CRACR2A: variants seen among roughly 807,000 people sequenced by gnomAD.
The protein encoded by CRACR2A is EF-hand calcium-binding domain-containing protein 4B.
Under a neutral mutation model 90.5 loss-of-function variants are expected in CRACR2A, and 79 were observed. The observed-to-expected ratio is 0.87, with a 90% CI of 0.73 to 1.05. CRACR2A has a LOEUF of 1.05. Ranked by LOEUF, CRACR2A falls within the 50% of genes least tolerant of loss-of-function variation. The probability of loss-of-function intolerance (pLI) is 0.00; values close to 1 mark genes in which losing one functional copy is unlikely to be tolerated. For synonymous variants in CRACR2A, 338 were observed against 356.7 expected (o/e 0.95, Z 0.59); for missense variants, 823 against 897.2 (o/e 0.92, Z 1.06).
intron 10 of CRACR2A, 24 bp from the exon 11 acceptor site, chr12:3,648,637 C>T (rs368326307): frequency 5.6e-6 from 9 of 1,601,760 alleles, no homozygotes; most frequent in Non-Finnish European, 7.7e-6. Flanking sequence ...AAACACATGG[C>T]AGTGAGCTCC....
chr12:3,628,569 G>A (rs756945382), intron 15 of CRACR2A, among the ~76,000 whole-genome samples: 1 of 152,188 alleles, frequency 6.6e-6, no homozygotes, highest in African/African-American at 2.4e-5. Context: ...TCAGTGAAGT[G>A]CATTCTGCAT....
At chr12:3,733,944 C>T (rs1384784322) in intron 1 of CRACR2A, among the ~76,000 whole-genome samples, 2 of 148,864 alleles carry the variant, frequency 1.3e-5, no homozygotes, top group Non-Finnish European at 3.0e-5. Context: ...GTATTCAGTC[C>T]TTTTCCTAGA....
chr12:3,710,707 C>T (rs1348752387), intron 3 of CRACR2A, among the ~76,000 whole-genome samples: 2 of 151,420 alleles, frequency 1.3e-5, no homozygotes, highest in African/African-American at 2.4e-5. Context: ...GCAGGAGAAT[C>T]GCTTGAACCC....
chr12:3,671,756 T>G (rs548041797), intron 7 of CRACR2A, among the ~76,000 whole-genome samples: 1 of 152,354 alleles, frequency 6.6e-6, no homozygotes, highest in Admixed American at 6.5e-5. Flanking sequence ...GATACTTATT[T>G]AAAATACTAA....
chr12:3,622,629 CAT>C (rs1491244106), intron 17 of CRACR2A, among the ~76,000 whole-genome samples: 5 of 150,510 alleles, frequency 3.3e-5, no homozygotes, highest in African/African-American at 9.8e-5. Context: ...TGCCTATGTG[CAT>C]GTGTGTGTGT....
intron 15 of CRACR2A, 108 bp from the exon 16 acceptor site, chr12:3,627,814 A>G: frequency 8.6e-7 from 1 of 1,166,794 alleles, no homozygotes. Context: ...GCCCAAGGTG[A>G]CAACCCTCCA....
Position 3,746,500 on chromosome 12 carries a change from G to A in CRACR2A, c.-387+6515C>T, listed in dbSNP as rs1379031692. Among the ~76,000 whole-genome samples, 1 of 152,144 alleles carries A rather than the reference G, an allele frequency of 6.6e-6. No homozygotes were observed. The highest frequency in any genetic ancestry group is 1.9e-4 in the East Asian group (1 of 5,184). Reference sequence around the variant, plus strand: ...AGAAAGTGGCTTTCTGCAAGCCAAGGAGAGAACCTTCACCCACCAAACTGG... The same window carrying A: ...AGAAAGTGGCTTTCTGCAAGCCAAGAAGAGAACCTTCACCCACCAAACTGG... On this transcript the variant is annotated intron_variant, in intron 1 of 19. Coordinates refer to ENST00000440314, the MANE Select transcript of CRACR2A (RefSeq NM_001144958.2). This position sits in a 1 kb window ranked among gnomAD's most constrained non-coding sequence, Gnocchi z 4.4.
chr12:3,632,979 G>C (rs1250398976), intron 15 of CRACR2A, among the ~76,000 whole-genome samples: 1 of 152,168 alleles, frequency 6.6e-6, no homozygotes, highest in African/African-American at 2.4e-5. Flanking sequence ...GGGATTAAAG[G>C]CCTCTATTTA....
intron 3 of CRACR2A, among the ~76,000 whole-genome samples, chr12:3,708,856 T>C (rs1372102763): frequency 6.6e-6 from 1 of 152,242 alleles, no homozygotes; most frequent in Non-Finnish European, 1.5e-5. Context: ...CGATATATTC[T>C]CCCAGTTCCA....
chr12:3,708,536 T>C (rs571512152), intron 3 of CRACR2A, among the ~76,000 whole-genome samples: 1 of 152,206 alleles, frequency 6.6e-6, no homozygotes, highest in Non-Finnish European at 1.5e-5. Flanking sequence ...GCCATTCTCC[T>C]GCCTCAGCCT....
chr12:3,736,525 G>C (rs1386910776), intron 1 of CRACR2A, among the ~76,000 whole-genome samples: 1 of 151,980 alleles, frequency 6.6e-6, no homozygotes, highest in African/African-American at 2.4e-5. Context: ...GTGGGGACAG[G>C]GCTAGACATG....
chr12:3,630,230 C>T (rs1944355322), intron 15 of CRACR2A, among the ~76,000 whole-genome samples: 1 of 152,126 alleles, frequency 6.6e-6, no homozygotes, highest in Non-Finnish European at 1.5e-5. Context: ...GAATTGCTTC[C>T]CGAAGGATGG....
At chr12:3,618,443 AC>A (rs749056766) in intron 18 of CRACR2A, among the ~76,000 whole-genome samples, 17 of 152,032 alleles carry the variant, frequency 1.1e-4, no homozygotes, top group Non-Finnish European at 2.5e-4. Flanking sequence ...ATACAAAACA[AC>A]CCTTTCTGTT....
intron 13 of CRACR2A, 151 bp downstream of exon 13, chr12:3,641,581 G>A: frequency 3.1e-6 from 2 of 639,528 alleles, no homozygotes; most frequent in Non-Finnish European, 2.7e-6. Context: ...GAACAGGGAG[G>A]GGCATGTGTT....
At chr12:3,634,334 G>A (rs971317150) in intron 14 of CRACR2A, among the ~76,000 whole-genome samples, 4 of 152,182 alleles carry the variant, frequency 2.6e-5, no homozygotes, top group Non-Finnish European at 5.9e-5. Flanking sequence ...TCCCATCGAG[G>A]CACTGCCATC....
intron 3 of CRACR2A, among the ~76,000 whole-genome samples, chr12:3,699,102 T>G (rs1477532265): frequency 1.3e-5 from 2 of 152,162 alleles, no homozygotes; most frequent in Non-Finnish European, 2.9e-5. Context: ...ATTATACAGA[T>G]GAGGAAACTG....
intron 1 of CRACR2A, among the ~76,000 whole-genome samples, chr12:3,740,761 T>C (rs1565509441): frequency 6.6e-6 from 1 of 152,338 alleles, no homozygotes; most frequent in East Asian, 1.9e-4. Context: ...TGCAGTCAAG[T>C]GCCTGGATTT....
intron 1 of CRACR2A, among the ~76,000 whole-genome samples, chr12:3,745,266 C>T (rs1429210031): frequency 6.6e-6 from 1 of 152,146 alleles, no homozygotes; most frequent in Non-Finnish European, 1.5e-5. Context: ...GGTTCTTCTG[C>T]TGAACAATGT....
At chr12:3,703,278 T>C (rs555118351) in intron 3 of CRACR2A, among the ~76,000 whole-genome samples, 12 of 152,232 alleles carry the variant, frequency 7.9e-5, no homozygotes, top group South Asian at 2.1e-4. Context: ...TTAGTAGAGA[T>C]GGGGTTTCAC....
Sources: gnomAD v4.1 joint callset for allele counts (sites outside exome capture counted in the v4.1 genomes callset) on GRCh38, gnomAD v4.1.1 for gene constraint, Gnocchi (gnomAD v3.1) non-coding constraint, MANE v1.5 for transcripts, NCBI Gene and HGNC (gene_info 2026-07-23, HGNC 2026-07-21) for gene names.